NMS: variants seen among roughly 807,000 people sequenced by gnomAD.
NMS encodes neuromedin S.
NMS carries 30 observed loss-of-function variants against 32.2 expected under a neutral mutation model. That is an observed-to-expected ratio of 0.93 (90% CI 0.70 to 1.26). The LOEUF is 1.26. Ranked by LOEUF, NMS falls within the 50% of genes most tolerant of loss-of-function variation. The pLI, the probability that NMS is intolerant of heterozygous loss-of-function variation, is 0.00. For synonymous variants in NMS, 76 were observed against 58.5 expected (o/e 1.30, Z -1.37); for missense variants, 190 against 186.3 (o/e 1.02, Z -0.12).
intron 3 of NMS, 29 bp from the exon 4 acceptor site, chr2:100,477,215 C>G (rs200778759): frequency 3.7e-6 from 6 of 1,608,314 alleles, no homozygotes; most frequent in Middle Eastern, 1.7e-4. Flanking sequence ...AAAATTTCAT[C>G]TAACTTACCC....
intron 3 of NMS, 46 bp from the exon 4 acceptor site, chr2:100,477,198 C>T: frequency 1.9e-6 from 3 of 1,548,836 alleles, no homozygotes; most frequent in South Asian, 1.1e-5. Flanking sequence ...CCGTTACCTG[C>T]CCCTGTAAAA....
intron 5 of NMS, 113 bp from the exon 6 acceptor site, chr2:100,479,240 A>T: frequency 1.4e-6 from 1 of 714,150 alleles, no homozygotes; most frequent in Non-Finnish European, 2.2e-6. Flanking sequence ...TCTGAAAATT[A>T]AACCCATTTG....
intron 3 of NMS, among the ~76,000 whole-genome samples, chr2:100,475,576 C>T (rs148720036): frequency 6.7e-4 from 102 of 152,276 alleles, no homozygotes; most frequent in Middle Eastern, 3.4e-3. Flanking sequence ...CAGCATGCCA[C>T]GGACCAGGTG....
intron 1 of NMS, among the ~76,000 whole-genome samples, chr2:100,472,013 A>G (rs956000132): frequency 2.0e-5 from 3 of 152,240 alleles, no homozygotes; most frequent in Non-Finnish European, 2.9e-5. Context: ...AATATAACAT[A>G]ACATTGCCTT....
At position 100,477,248 on chromosome 2, in the gene NMS, A is replaced by G; in HGVS notation, c.188A>G (p.Asn63Ser). ...WAPLSRQPKD[N>S]QDIYKRFLFH... The stretch of plus-strand genomic sequence containing the variant: ...CCCTCACAATTCTCTTTCCAGGATA[A>G]TCAAGACATATACAAAAGGGTGAGT... The change falls in exon 4 of 10, where the codon AAT (asparagine) becomes AGT (serine). Residue 63 changes from asparagine (N) to serine (S), a missense_variant. Asn to Ser is a conservative substitution (Grantham distance 46). Transcript: ENST00000376865. 5.0e-6 allele frequency: 8 copies of G among 1,613,642 alleles called. No homozygotes were observed. The highest frequency in any genetic ancestry group is 6.8e-6 in the Non-Finnish European group (8 of 1,179,558).
chr2:100,481,124 A>ATAT lies in NMS; in HGVS notation c.373-2_373-1insTAT, dbSNP rs759628427. On this transcript the variant is annotated splice_acceptor_variant, in intron 7 of 9. Coordinates refer to ENST00000376865, the MANE Select transcript of NMS (RefSeq NM_001011717.1). LOFTEE classifies it high-confidence loss of function. ...AATGGCTTGTGTTTCTATATGTTGCAGGATCACACTGCGACCTGGGGACGA... is the reference window on the plus strand; with the variant it reads ...AATGGCTTGTGTTTCTATATGTTGCATATGGATCACACTGCGACCTGGGGACGA... 4.3e-6 allele frequency: 7 copies of ATAT among 1,613,980 alleles called. No individual in the cohort carries two copies. Among genetic ancestry groups the ATAT allele is most frequent in the Non-Finnish European group, 5.1e-6 (6 of 1,179,942 alleles).
At chr2:100,474,779 T>G (rs1677074098) in intron 3 of NMS, among the ~76,000 whole-genome samples, 1 of 152,246 alleles carries the variant, frequency 6.6e-6, no homozygotes, top group Non-Finnish European at 1.5e-5. Flanking sequence ...ATTTCATGAA[T>G]ACATCAGGCC....
chr2:100,481,720 C>T (rs1411948245), intron 8 of NMS, among the ~76,000 whole-genome samples: 2 of 152,318 alleles, frequency 1.3e-5, no homozygotes, highest in East Asian at 1.9e-4. Context: ...AAGTATTCTG[C>T]AAAAGTCAGC....
chr2:100,474,268 GGATA>G (rs1677064158), intron 3 of NMS, among the ~76,000 whole-genome samples: 1 of 152,300 alleles, frequency 6.6e-6, no homozygotes, highest in East Asian at 1.9e-4. Flanking sequence ...AAGGGTGGTA[GGATA>G]GCCCATGATG....
chr2:100,480,212 G>A (rs1407391170), intron 6 of NMS, among the ~76,000 whole-genome samples: 2 of 152,236 alleles, frequency 1.3e-5, no homozygotes, highest in Non-Finnish European at 2.9e-5. Flanking sequence ...GCTTTGCAAT[G>A]TGCCCATTTC....
At chr2:100,475,572 G>C (rs1012340699) in intron 3 of NMS, among the ~76,000 whole-genome samples, 5 of 152,280 alleles carry the variant, frequency 3.3e-5, no homozygotes, top group Admixed American at 6.5e-5. Flanking sequence ...TTGACAGCAT[G>C]CCACGGACCA....
At chr2:100,479,237 A>G in intron 5 of NMS, 116 bp from the exon 6 acceptor site, 1 of 704,858 alleles carries the variant, frequency 1.4e-6, no homozygotes, top group Non-Finnish European at 2.2e-6. Context: ...TACTCTGAAA[A>G]TTAAACCCAT....
rs777305333 is a variant in NMS at position 100,481,119 on chromosome 2, G to A, written c.373-7G>A. The A allele has an allele frequency of 1.1e-5, 18 of 1,613,876 alleles. No homozygotes were observed. The highest frequency in any genetic ancestry group is 3.3e-5 in the Admixed American group (2 of 60,006). ...TGCATAATGGCTTGTGTTTCTATATGTTGCAGGATCACACTGCGACCTGGG... is the reference window on the plus strand; with the variant it reads ...TGCATAATGGCTTGTGTTTCTATATATTGCAGGATCACACTGCGACCTGGG... On this transcript the variant is annotated splice_polypyrimidine_tract_variant and splice_region_variant and intron_variant, in intron 7 of 9. Transcript: ENST00000376865.
At position 100,483,251 on chromosome 2, in the gene NMS, G is replaced by T. The variant is rs1677254421; in HGVS notation, c.450-1G>T. ...AGTGCATTTTTCTTTTCTTTTTTTAGGATTCAGTGGTGAAAGAAAGCTGGA... is the reference window on the plus strand; with the variant it reads ...AGTGCATTTTTCTTTTCTTTTTTTATGATTCAGTGGTGAAAGAAAGCTGGA... On this transcript the variant is annotated splice_acceptor_variant, in intron 9 of 9. Transcript: ENST00000376865. LOFTEE classifies it high-confidence loss of function. 1 of 1,611,630 alleles carries T rather than the reference G, an allele frequency of 6.2e-7. No homozygotes were observed. The highest frequency in any genetic ancestry group is 1.7e-5 in the Admixed American group (1 of 59,782).
At chr2:100,474,874 G>A (rs574975166) in intron 3 of NMS, among the ~76,000 whole-genome samples, 15 of 152,274 alleles carry the variant, frequency 9.9e-5, no homozygotes, top group East Asian at 1.9e-4. Flanking sequence ...TTACAGCCTT[G>A]GACCTGGAGC....
At chr2:100,470,599 A>G (rs754795140) in intron 1 of NMS, 35 bp downstream of exon 1, 1 of 1,526,894 alleles carries the variant, frequency 6.5e-7, no homozygotes, top group Non-Finnish European at 9.1e-7. Context: ...ATCTGGCCTA[A>G]ACTCTGAGGA....
intron 1 of NMS, among the ~76,000 whole-genome samples, chr2:100,472,032 C>T (rs1310295638): frequency 4.6e-5 from 7 of 152,154 alleles, no homozygotes; most frequent in Non-Finnish European, 8.8e-5. Context: ...TTTGCTTTAT[C>T]TTGGCTCAGA....
chr2:100,479,559 A>G (rs1677177002), intron 6 of NMS, 132 bp downstream of exon 6: 1 of 733,998 alleles, frequency 1.4e-6, no homozygotes, highest in South Asian at 1.9e-5. Context: ...GGCAGGGAGC[A>G]CTGAGCAGAA....
chr2:100,483,131 TATGA>T, intron 9 of NMS, 117 bp from the exon 10 acceptor site: 1 of 844,160 alleles, frequency 1.2e-6, no homozygotes, highest in South Asian at 1.7e-5. Context: ...CCTGGGCATT[TATGA>T]CACTTCAAAC....
Sources: gnomAD v4.1 joint callset for allele counts (sites outside exome capture counted in the v4.1 genomes callset) on GRCh38, gnomAD v4.1.1 for gene constraint, MANE v1.5 for transcripts, NCBI Gene and HGNC (gene_info 2026-07-23, HGNC 2026-07-21) for gene names.